Variants in ODAD2 observed in about 807,000 individuals in gnomAD.
ODAD2 encodes the protein outer dynein arm-docking complex subunit 2.
ODAD2 carries 89 observed loss-of-function variants against 106.8 expected under a neutral mutation model. The ratio of observed to expected loss-of-function variants is 0.83; its 90% CI spans 0.70 to 0.99. The LOEUF (loss-of-function observed/expected upper bound fraction) is 0.99, where lower values mean the gene tolerates loss of function less well. Ranked by LOEUF, ODAD2 falls within the 50% of genes least tolerant of loss-of-function variation. The pLI, the probability that ODAD2 is intolerant of heterozygous loss-of-function variation, is 0.00. For synonymous variants in ODAD2, 404 were observed against 436.2 expected (o/e 0.93, Z 0.92); for missense variants, 1,168 against 1,238.5 (o/e 0.94, Z 0.85).
rs149777950 is a variant in ODAD2 at position 27,986,109 on chromosome 10, G to A, written c.383-898C>T. 2.5e-3 allele frequency among the ~76,000 whole-genome samples: 382 copies of A among 152,288 alleles called. 1 individual carries two copies. The highest frequency in any genetic ancestry group is 8.7e-3 in the African/African-American group (362 of 41,562). ...ACATTCCCATGTGGTCATGGGATAT[G>A]CCAAGGCCTTAAGGCTGAGAAAAGG... On this transcript the variant is annotated intron_variant, in intron 3 of 19. Coordinates refer to ENST00000305242, the MANE Select transcript of ODAD2 (RefSeq NM_018076.5).
At chr10:27,951,970 G>A (rs879749493) in intron 10 of ODAD2, among the ~76,000 whole-genome samples, 5 of 150,016 alleles carry the variant, frequency 3.3e-5, no homozygotes, top group Non-Finnish European at 5.9e-5. Context: ...AGCTGCTTGG[G>A]AGGCTGAGAC....
intron 17 of ODAD2, among the ~76,000 whole-genome samples, chr10:27,893,851 T>C (rs1370277080): frequency 7.2e-5 from 11 of 152,142 alleles, no homozygotes; most frequent in Non-Finnish European, 1.5e-5. Context: ...CCCTCAGAAT[T>C]TATAACCTTA....
chr10:27,867,986 G>A, intron 17 of ODAD2, among the ~76,000 whole-genome samples: 1 of 151,230 alleles, frequency 6.6e-6, no homozygotes, highest in Non-Finnish European at 1.5e-5. Flanking sequence ...AAAGACTCCA[G>A]TCAATTTCCA....
chr10:27,959,436 G>A (rs1588612991), intron 10 of ODAD2, among the ~76,000 whole-genome samples: 1 of 151,896 alleles, frequency 6.6e-6, no homozygotes, highest in Admixed American at 6.6e-5. Context: ...AATCACAGGA[G>A]GCCCTGTGGT....
intron 7 of ODAD2, among the ~76,000 whole-genome samples, chr10:27,975,952 G>A (rs1162827783): frequency 6.6e-6 from 1 of 152,056 alleles, no homozygotes; most frequent in African/African-American, 2.4e-5. Flanking sequence ...TTCAAGTGGG[G>A]TTTGTCTCAG....
chr10:27,873,397 G>C (rs1182591717), intron 17 of ODAD2, among the ~76,000 whole-genome samples: 1 of 126,746 alleles, frequency 7.9e-6, no homozygotes, highest in Non-Finnish European at 1.6e-5. Context: ...CCTTCTGCTA[G>C]CTTTTGAATG....
chr10:27,853,680 C>T (rs931966867), intron 19 of ODAD2, among the ~76,000 whole-genome samples: 1 of 152,040 alleles, frequency 6.6e-6, no homozygotes, highest in Non-Finnish European at 1.5e-5. Context: ...AAAGAGCAAA[C>T]AGTTTTTTCA....
intron 17 of ODAD2, among the ~76,000 whole-genome samples, chr10:27,882,713 G>A (rs1439607869): frequency 2.6e-5 from 4 of 152,030 alleles, no homozygotes; most frequent in East Asian, 1.9e-4. Flanking sequence ...CCTTGCAACC[G>A]CGGAATCTGG....
intron 17 of ODAD2, among the ~76,000 whole-genome samples, chr10:27,869,540 C>CT (rs35782656): frequency 0.013 from 1,800 of 139,942 alleles, 33 homozygotes; most frequent in African/African-American, 0.042. Context: ...TTTTCTTTTT[C>CT]TTTTTTTTTT....
At chr10:27,876,608 T>C (rs574173621) in intron 17 of ODAD2, among the ~76,000 whole-genome samples, 1 of 152,284 alleles carries the variant, frequency 6.6e-6, no homozygotes, top group African/African-American at 2.4e-5. Context: ...AGCCAATTAT[T>C]TGCTTAGGGC....
chr10:27,981,541 T>C lies in ODAD2; in HGVS notation c.861A>G (p.Lys287=). Residue 287 remains lysine, a synonymous_variant, in exon 7 of 20, where the codon AAA becomes AAG. Coordinates refer to ENST00000305242, the MANE Select transcript of ODAD2 (RefSeq NM_018076.5). ...TGACAAGGTTTTTATAAATTGAACC[T>C]TTTCTCTCATAATTAACGTCCCCTT... ...DDEGDVNYER[K]GSIYKNLVTF... 6.5e-7 allele frequency: 1 copy of C among 1,540,572 alleles called. No individual in the cohort carries two copies. Among genetic ancestry groups the C allele is most frequent in the Non-Finnish European group, 8.6e-7 (1 of 1,157,112 alleles).
At chr10:27,830,167 T>C (rs528631772) in intron 19 of ODAD2, among the ~76,000 whole-genome samples, 19 of 152,320 alleles carry the variant, frequency 1.2e-4, no homozygotes, top group South Asian at 8.3e-4. Flanking sequence ...ATCTTCATAA[T>C]AGGAGTGGAG....
intron 16 of ODAD2, among the ~76,000 whole-genome samples, chr10:27,910,246 A>G (rs546289143): frequency 1.2e-4 from 18 of 152,274 alleles, no homozygotes; most frequent in African/African-American, 4.1e-4. Context: ...CATTCTGTTC[A>G]TGACACTAGC....
chr10:27,857,332 G>A (rs1031204024), intron 19 of ODAD2, among the ~76,000 whole-genome samples: 13 of 152,094 alleles, frequency 8.5e-5, no homozygotes, highest in African/African-American at 2.7e-4. Flanking sequence ...TATAACATAC[G>A]AAATATGTAT....
intron 10 of ODAD2, among the ~76,000 whole-genome samples, chr10:27,948,776 T>C (rs1847114947): frequency 1.6e-5 from 2 of 126,828 alleles, no homozygotes; most frequent in South Asian, 5.8e-4. Flanking sequence ...TGTTGGCCTT[T>C]GGATTTTTTT....
chr10:27,934,449 T>G (rs569118267), intron 16 of ODAD2, among the ~76,000 whole-genome samples: 39 of 149,622 alleles, frequency 2.6e-4, no homozygotes, highest in Non-Finnish European at 4.0e-4. Context: ...ATATATATCT[T>G]TATATAGATA....
intron 16 of ODAD2, among the ~76,000 whole-genome samples, chr10:27,930,508 T>C (rs1845537798): frequency 6.6e-6 from 1 of 151,776 alleles, no homozygotes; most frequent in South Asian, 2.1e-4. Flanking sequence ...AGTGAGACCT[T>C]GTCTCTGAAA....
At position 27,931,901 on chromosome 10, in the gene ODAD2, G is replaced by A. The variant is rs529123426; in HGVS notation, c.2495+3109C>T. 4.0e-5 allele frequency among the ~76,000 whole-genome samples: 6 copies of A among 151,626 alleles called. No individual in the cohort carries two copies. The East Asian group carries it at 5.8e-4, about 15-fold the overall frequency. Reference sequence around the variant, plus strand: ...TCAACTCACAATGGGGTTATGTCCCGATAAACCCATCATAAGTTGAAAATA... The same window carrying A: ...TCAACTCACAATGGGGTTATGTCCCAATAAACCCATCATAAGTTGAAAATA... On this transcript the variant is annotated intron_variant, in intron 16 of 19. Coordinates refer to ENST00000305242, the MANE Select transcript of ODAD2 (RefSeq NM_018076.5).
chr10:27,907,640 A>G (rs980366385), intron 17 of ODAD2, 23 bp downstream of exon 17: 2 of 1,532,802 alleles, frequency 1.3e-6, no homozygotes, highest in Non-Finnish European at 1.8e-6. Context: ...TCTAGAAGAG[A>G]CTGACTTGCA....
Sources: allele counts gnomAD v4.1 joint callset (sites outside exome capture counted in the v4.1 genomes callset), GRCh38; gene constraint gnomAD v4.1.1; transcripts MANE v1.5; gene names NCBI Gene and HGNC (gene_info 2026-07-23, HGNC 2026-07-21).